The following KIF11 variants were observed in gnomAD, a reference collection of about 807,000 sequenced individuals.
The protein encoded by KIF11 is kinesin family member 11, also known as kinesin-like protein KIF11.
In KIF11, 9 loss-of-function variants were observed where a neutral mutation model predicts 121.0. The ratio of observed to expected loss-of-function variants is 0.07; its 90% CI spans 0.04 to 0.13. The LOEUF is 0.13. Among genes scored for constraint, KIF11 ranks in the 10% least tolerant of loss-of-function variants. KIF11 has a pLI of 1.00. For synonymous variants in KIF11, 408 were observed against 421.0 expected, an observed-to-expected ratio of 0.97 and a Z score of 0.38; for missense variants, 846 against 1,217.5, an observed-to-expected ratio of 0.69 and a Z score of 4.54.
chr10:92,606,274 T>G lies in KIF11; in HGVS notation c.87T>G (p.Asn29Lys). 1 of 1,591,170 alleles carries G rather than the reference T, an allele frequency of 6.3e-7. No individual in the cohort carries two copies. The highest frequency in any genetic ancestry group is 8.5e-7 in the Non-Finnish European group (1 of 1,174,272). ...IQVVVRCRPF[N>K]LAERKASAHS... The stretch of plus-strand genomic sequence containing the variant: ...GTATTTCTTTTTATAGACCATTTAA[T>G]TTGGCAGAGCGGAAAGCTAGCGCCC... The change falls in exon 2 of 22, where the codon AAT becomes AAG. Residue 29 changes from asparagine (N) to lysine (K), a missense_variant. Around this residue, in one of 5 missense-constraint regions of KIF11, gnomAD observed 140 missense variants for 193.5 expected, o/e 0.72. Coordinates refer to ENST00000260731, the MANE Select transcript of KIF11 (RefSeq NM_004523.4).
chr10:92,618,743 A>G (rs374389654), intron 9 of KIF11, among the ~76,000 whole-genome samples: 2 of 152,100 alleles, frequency 1.3e-5, no homozygotes, highest in East Asian at 1.9e-4. Flanking sequence ...ATTAATAACA[A>G]TCCACTAATC....
intron 8 of KIF11, among the ~76,000 whole-genome samples, chr10:92,615,352 G>A (rs1844542665): frequency 6.6e-6 from 1 of 151,992 alleles, no homozygotes; most frequent in African/African-American, 2.4e-5. Flanking sequence ...ATTGTAGTGA[G>A]CCGAGATTGC....
intron 10 of KIF11, among the ~76,000 whole-genome samples, 179 bp from the exon 11 acceptor site, chr10:92,628,629 T>C (rs1044677411): frequency 1.3e-5 from 2 of 152,216 alleles, no homozygotes; most frequent in African/African-American, 2.4e-5. Context: ...ATATAATTTG[T>C]TCTTTGTAAT....
At chr10:92,596,032 C>T (rs1014987533) in intron 1 of KIF11, among the ~76,000 whole-genome samples, 3 of 152,100 alleles carry the variant, frequency 2.0e-5, no homozygotes, top group African/African-American at 4.8e-5. Flanking sequence ...GACCGAGTCT[C>T]GCTCTGTTGC....
chr10:92,615,779 A>G (rs975678830), intron 8 of KIF11, among the ~76,000 whole-genome samples: 1 of 151,896 alleles, frequency 6.6e-6, no homozygotes, highest in African/African-American at 2.4e-5. Context: ...GTGTTGTACC[A>G]GCAATACTTT....
intron 4 of KIF11, among the ~76,000 whole-genome samples, chr10:92,608,084 C>A (rs1230837814): frequency 2.0e-4 from 26 of 131,164 alleles, no homozygotes; most frequent in Admixed American, 4.0e-4. Flanking sequence ...AACAAAAAAA[C>A]AAAAAACCAA....
At chr10:92,609,738 CTTT>C (rs1167166775) in intron 6 of KIF11, among the ~76,000 whole-genome samples, 1 of 151,774 alleles carries the variant, frequency 6.6e-6, no homozygotes, top group Non-Finnish European at 1.5e-5. Context: ...AAGTATTAAA[CTTT>C]TTTTTCTTTT....
chr10:92,653,582 A>T, intron 21 of KIF11, 83 bp from the exon 22 acceptor site: 1 of 1,343,860 alleles, frequency 7.4e-7, no homozygotes, highest in Non-Finnish European at 1.0e-6. Context: ...CCTATAACCC[A>T]GAGAACTTTG....
At chr10:92,653,601 G>A in intron 21 of KIF11, 64 bp from the exon 22 acceptor site, 8 of 1,438,384 alleles carry the variant, frequency 5.6e-6, no homozygotes, top group Non-Finnish European at 7.6e-6. Context: ...TGAAAATAGA[G>A]TGTAGTTAAT....
At chr10:92,598,462 T>G (rs1252217357) in intron 1 of KIF11, among the ~76,000 whole-genome samples, 2 of 152,348 alleles carry the variant, frequency 1.3e-5, no homozygotes, top group South Asian at 2.1e-4. Context: ...AAGTCTGTCT[T>G]TATGTCAGTA....
intron 12 of KIF11, 41 bp downstream of exon 12, chr10:92,630,405 A>G: frequency 7.8e-7 from 1 of 1,279,060 alleles, no homozygotes. Flanking sequence ...TTAAGTAGAG[A>G]ATGGGTAGAA....
At chr10:92,639,963 G>A in intron 17 of KIF11, 63 bp downstream of exon 17, 1 of 839,614 alleles carries the variant, frequency 1.2e-6, no homozygotes, top group Non-Finnish European at 1.9e-6. Context: ...AGAAGAAAAA[G>A]CTTTAAATAG....
At chr10:92,644,624 T>C (rs543657662) in intron 17 of KIF11, among the ~76,000 whole-genome samples, 5 of 152,224 alleles carry the variant, frequency 3.3e-5, no homozygotes, top group African/African-American at 1.2e-4. Context: ...TTGCCCTTTT[T>C]TCAGTCATTG....
At chr10:92,639,674 C>T in intron 16 of KIF11, 120 bp from the exon 17 acceptor site, 2 of 591,516 alleles carry the variant, frequency 3.4e-6, no homozygotes, top group Non-Finnish European at 6.0e-6. Flanking sequence ...AACTTTATCT[C>T]TTGTCAAGAA....
intron 21 of KIF11, 38 bp from the exon 22 acceptor site, chr10:92,653,627 C>A: frequency 6.3e-7 from 1 of 1,585,136 alleles, no homozygotes; most frequent in Non-Finnish European, 8.6e-7. Context: ...TCTAATGTTA[C>A]TTTGTATTGA....
chr10:92,616,387 A>G (rs1844557834), intron 8 of KIF11, among the ~76,000 whole-genome samples: 1 of 151,696 alleles, frequency 6.6e-6, no homozygotes, highest in Non-Finnish European at 1.5e-5. Flanking sequence ...TATTGTAGAA[A>G]CAGGATCTCC....
chr10:92,625,620 A>G (rs890214958), intron 10 of KIF11, among the ~76,000 whole-genome samples: 2 of 152,110 alleles, frequency 1.3e-5, no homozygotes, highest in African/African-American at 2.4e-5. Context: ...AACTGCTGGG[A>G]TTACAGGTGT....
chr10:92,653,847 C>A lies in KIF11; in HGVS notation c.*51C>A, dbSNP rs1329874069. 2.8e-5 allele frequency: 42 copies of A among 1,506,550 alleles called. No homozygotes were observed. Among genetic ancestry groups the A allele is most frequent in the Non-Finnish European group, 3.8e-5 (42 of 1,098,188 alleles). 93.3% of individuals were successfully genotyped at this position (1,506,550 alleles called of 1,614,324 possible). On this transcript the variant is annotated 3_prime_UTR_variant, in exon 22 of 22. Coordinates refer to ENST00000260731, the MANE Select transcript of KIF11 (RefSeq NM_004523.4). Reference sequence around the variant, plus strand: ...TTTTAAAGAAAACTTAAAAATAAAACCTGAAACCCCAGAACTTGAGCCTTG... The same window carrying A: ...TTTTAAAGAAAACTTAAAAATAAAAACTGAAACCCCAGAACTTGAGCCTTG...
At chr10:92,594,133 T>C (rs947179321) in intron 1 of KIF11, among the ~76,000 whole-genome samples, 14 of 152,222 alleles carry the variant, frequency 9.2e-5, no homozygotes, top group Admixed American at 7.2e-4. Context: ...TTAGTTAGAA[T>C]TGATTTATTC....
Sources: gnomAD v4.1 joint callset for allele counts (sites outside exome capture counted in the v4.1 genomes callset) on GRCh38, gnomAD v4.1.1 for gene constraint, gnomAD v4.1.1 regional missense constraint, MANE v1.5 for transcripts, NCBI Gene and HGNC (gene_info 2026-07-23, HGNC 2026-07-21) for gene names.